CFAP299: variants seen among roughly 807,000 people sequenced by gnomAD.
CFAP299 encodes cilia- and flagella-associated protein 299.
A neutral mutation model predicts 27.0 loss-of-function variants in CFAP299; 21 were observed. That is an observed-to-expected ratio of 0.78 (90% CI 0.55 to 1.12). The LOEUF is 1.12. CFAP299 is among the 50% of genes most tolerant of loss of function. The probability of loss-of-function intolerance (pLI) is 0.00; values close to 1 mark genes in which losing one functional copy is unlikely to be tolerated. For missense variants in CFAP299, 310 were observed against 276.6 expected (o/e 1.12, Z -0.86); for synonymous variants, 104 against 98.1 (o/e 1.06, Z -0.36).
At chr4:80,739,561 A>C (rs1413664124) in intron 3 of CFAP299, among the ~76,000 whole-genome samples, 2 of 152,066 alleles carry the variant, frequency 1.3e-5, no homozygotes, top group Non-Finnish European at 2.9e-5. Context: ...CAGACATATT[A>C]AAGTTCCATT....
chr4:80,404,276 A>G (rs1726306830), intron 2 of CFAP299, among the ~76,000 whole-genome samples: 1 of 152,084 alleles, frequency 6.6e-6, no homozygotes, highest in Admixed American at 6.6e-5. Context: ...TTTATTTGTG[A>G]TAAAGTACAC....
At chr4:80,335,595 A>G, upstream of CFAP299, 1 of 617,946 alleles carries the variant, frequency 1.6e-6, no homozygotes, top group South Asian at 1.7e-5. Context: ...AATTCCAGAA[A>G]GTTTTCACAG....
chr4:80,684,826 T>C (rs913095685), intron 3 of CFAP299, among the ~76,000 whole-genome samples: 1 of 152,172 alleles, frequency 6.6e-6, no homozygotes, highest in Non-Finnish European at 1.5e-5. Flanking sequence ...TTTCTGTATA[T>C]TCTCAAGCCT....
intron 3 of CFAP299, among the ~76,000 whole-genome samples, chr4:80,789,431 A>T (rs1727425679): frequency 6.6e-6 from 1 of 152,060 alleles, no homozygotes; most frequent in Non-Finnish European, 1.5e-5. Flanking sequence ...TTCTACCTAC[A>T]TTAGATAGCC....
At chr4:80,542,775 A>G (rs1342732574) in intron 2 of CFAP299, among the ~76,000 whole-genome samples, 1 of 150,368 alleles carries the variant, frequency 6.7e-6, no homozygotes. Flanking sequence ...CTACCATACC[A>G]CTGGAGTGCT....
chr4:80,534,882 A>G (rs1457276235), intron 2 of CFAP299, among the ~76,000 whole-genome samples: 1 of 152,160 alleles, frequency 6.6e-6, no homozygotes, highest in Non-Finnish European at 1.5e-5. Context: ...TTTTTGTAAA[A>G]TGTAAGAATA....
At chr4:80,856,733 T>G (rs1560447748) in intron 3 of CFAP299, among the ~76,000 whole-genome samples, 1 of 152,174 alleles carries the variant, frequency 6.6e-6, no homozygotes, top group Non-Finnish European at 1.5e-5. Flanking sequence ...GTGTTATTTC[T>G]GAGGGCTCTG....
At chr4:80,955,450 G>T (rs1738019366) in intron 5 of CFAP299, among the ~76,000 whole-genome samples, 1 of 152,196 alleles carries the variant, frequency 6.6e-6, no homozygotes, top group East Asian at 1.9e-4. Context: ...GGTGCTCAAT[G>T]AATGAAAATT....
intron 1 of CFAP299, among the ~76,000 whole-genome samples, chr4:80,355,017 A>G (rs569752833): frequency 1.3e-5 from 2 of 152,214 alleles, no homozygotes; most frequent in African/African-American, 4.8e-5. Context: ...AGAATGATTT[A>G]TATTCTTTTG....
chr4:80,368,401 T>C (rs888885368), intron 2 of CFAP299, among the ~76,000 whole-genome samples: 16 of 152,360 alleles, frequency 1.1e-4, no homozygotes, highest in African/African-American at 3.6e-4. Context: ...GCCTTTCTTA[T>C]GCTATTCAAT....
chr4:80,916,295 A>ATATATATATATATATATATATT (rs1405206483), intron 4 of CFAP299, among the ~76,000 whole-genome samples: 1 of 125,584 alleles, frequency 8.0e-6, no homozygotes, highest in African/African-American at 3.2e-5. Flanking sequence ...ATATATATAT[A>ATATATATATATATATATATATT]TTTCAGGTAC....
At chr4:80,410,061 A>T (rs979677617) in intron 2 of CFAP299, among the ~76,000 whole-genome samples, 3 of 152,326 alleles carry the variant, frequency 2.0e-5, no homozygotes, top group East Asian at 3.9e-4. Context: ...TTTAACTTGG[A>T]GAAGGGAAGA....
intron 3 of CFAP299, among the ~76,000 whole-genome samples, chr4:80,857,470 C>G (rs1019219992): frequency 6.6e-6 from 1 of 152,144 alleles, no homozygotes; most frequent in African/African-American, 2.4e-5. Flanking sequence ...GAGAGGGCAT[C>G]CCTGTCTTGT....
chr4:80,912,190 G>T (rs990697879), intron 4 of CFAP299, among the ~76,000 whole-genome samples: 1 of 152,114 alleles, frequency 6.6e-6, no homozygotes, highest in African/African-American at 2.4e-5. Context: ...AAAGCTAGGT[G>T]CAATGAAAAA....
At chr4:80,590,073 T>C (rs903421438) in intron 3 of CFAP299, among the ~76,000 whole-genome samples, 2 of 152,098 alleles carry the variant, frequency 1.3e-5, no homozygotes, top group Admixed American at 1.3e-4. Flanking sequence ...TGTTGTCCAT[T>C]CTTACAATGG....
intron 4 of CFAP299, among the ~76,000 whole-genome samples, chr4:80,904,836 CT>C (rs1238395953): frequency 1.3e-5 from 2 of 152,176 alleles, no homozygotes. Flanking sequence ...GGTATTTCTT[CT>C]CCAGGAAACT....
chr4:80,590,464 C>T (rs951289503), intron 3 of CFAP299, among the ~76,000 whole-genome samples: 1 of 152,108 alleles, frequency 6.6e-6, no homozygotes, highest in Non-Finnish European at 1.5e-5. Context: ...TGGTGAAACC[C>T]TGTCTCTACT....
intron 2 of CFAP299, chr4:80,387,736 C>G (rs1725094502): frequency 1.3e-6 from 2 of 1,585,524 alleles, no homozygotes; most frequent in East Asian, 4.5e-5. Context: ...TGTGTGGCTT[C>G]AGATGTGCTG....
rs528292795 is a variant in CFAP299 at position 80,594,772 on chromosome 4, A to T, written c.333+11589A>T. 5.3e-5 allele frequency among the ~76,000 whole-genome samples: 8 copies of T among 152,252 alleles called. No homozygotes were observed. In the South Asian group the frequency reaches 1.7e-3, roughly 32 times the overall value. On this transcript the variant is annotated intron_variant, in intron 3 of 5. Coordinates refer to ENST00000358105, the MANE Select transcript of CFAP299 (RefSeq NM_152770.3). The stretch of plus-strand genomic sequence containing the variant: ...TTTCTTTCTGTAAGTATTTGTGTCT[A>T]TCACATCACAAGATTTTTCTCAAAT...
Sources: allele counts gnomAD v4.1 joint callset (sites outside exome capture counted in the v4.1 genomes callset), GRCh38; gene constraint gnomAD v4.1.1; transcripts MANE v1.5; gene names NCBI Gene and HGNC (gene_info 2026-07-23, HGNC 2026-07-21).